KCNQ1: variants seen among roughly 807,000 people sequenced by gnomAD.
KCNQ1 encodes potassium voltage-gated channel subfamily KQT member 1.
A neutral mutation model predicts 72.4 loss-of-function variants in KCNQ1; 49 were observed. The observed-to-expected ratio is 0.68, with a 90% CI of 0.54 to 0.86. The LOEUF is 0.86. Among genes scored for constraint, KCNQ1 ranks in the 40% least tolerant of loss-of-function variants. KCNQ1 has a pLI of 0.00. For missense variants in KCNQ1, 790 were observed against 945.1 expected, an observed-to-expected ratio of 0.84 and a Z score of 2.15; for synonymous variants, 450 against 412.6, an observed-to-expected ratio of 1.09 and a Z score of -1.10.
chr11:2,597,664 T>C (rs914126610), intron 10 of KCNQ1, among the ~76,000 whole-genome samples: 2 of 152,242 alleles, frequency 1.3e-5, no homozygotes, highest in Non-Finnish European at 2.9e-5. Flanking sequence ...TTGAAGAACA[T>C]TGGGATTATC....
At chr11:2,840,826 C>T (rs958147043) in intron 15 of KCNQ1, among the ~76,000 whole-genome samples, 1 of 152,228 alleles carries the variant, frequency 6.6e-6, no homozygotes, top group Admixed American at 6.5e-5. Context: ...AGCACCCACC[C>T]TGGGAGGGAG....
chr11:2,463,343 A>C lies in KCNQ1; in HGVS notation c.386+17859A>C, dbSNP rs1734821129. 6.6e-6 allele frequency among the ~76,000 whole-genome samples: 1 copy of C among 151,694 alleles called. No individual in the cohort carries two copies. Among genetic ancestry groups the C allele is most frequent in the African/African-American group, 2.4e-5 (1 of 41,004 alleles). ...AGAGGCTGTTTTCTGCTGAGGATAC[A>C]TTTGCCCCCTCTATCCCCCAGATCG... On this transcript the variant is annotated intron_variant, in intron 1 of 15. Transcript: ENST00000155840. The surrounding 1 kb of genome is among the most constrained non-coding windows in gnomAD (Gnocchi z 7.0).
At chr11:2,761,462 G>A (rs984332099) in intron 11 of KCNQ1, among the ~76,000 whole-genome samples, 2 of 152,120 alleles carry the variant, frequency 1.3e-5, no homozygotes, top group South Asian at 2.1e-4. Context: ...GGGTGTTCTC[G>A]GGAAATGCAA....
rs751448695 is a variant in KCNQ1, at chr11:2,647,421, A to G, written c.1394-14540A>G. ...TGTGTTTTGTTTCTGAGGATTCTGC[A>G]TCTATGTTCATCAGGGAGATTGGCC... On this transcript the variant is annotated intron_variant, in intron 10 of 15. Coordinates refer to ENST00000155840, the MANE Select transcript of KCNQ1 (RefSeq NM_000218.3). The surrounding 1 kb of genome is among the most constrained non-coding windows in gnomAD (Gnocchi z 4.0). 2.0e-5 allele frequency: 8 copies of G among 398,418 alleles called. No individual in the cohort carries two copies. Among genetic ancestry groups the G allele is most frequent in the Admixed American group, 1.3e-4 (3 of 22,702 alleles). The allele number at this position is 398,418 out of a possible 1,614,324, so 24.7% of individuals were successfully genotyped here.
intron 2 of KCNQ1, among the ~76,000 whole-genome samples, chr11:2,539,450 C>G (rs1023239308): frequency 2.6e-5 from 4 of 152,230 alleles, no homozygotes; most frequent in African/African-American, 9.7e-5. Context: ...TTAGACAATA[C>G]CTGACATCTT....
chr11:2,470,089 T>C (rs974940963), intron 1 of KCNQ1, among the ~76,000 whole-genome samples: 24 of 152,166 alleles, frequency 1.6e-4, no homozygotes, highest in African/African-American at 5.3e-4. Context: ...GCCTCCTAAG[T>C]AGCTGGGACC....
At chr11:2,622,404 T>TTTTCATTC in intron 10 of KCNQ1, 3 of 398,374 alleles carry the variant, frequency 7.5e-6, no homozygotes, top group Non-Finnish European at 1.3e-5. Context: ...GAAATATCAT[T>TTTTCATTC]TTTCATTCTT....
In KCNQ1 at chr11:2,701,223, T is replaced by G. The variant is rs536538167; in HGVS notation, c.1514+39142T>G. On this transcript the variant is annotated intron_variant, in intron 11 of 15. Coordinates refer to ENST00000155840, the MANE Select transcript of KCNQ1 (RefSeq NM_000218.3). ...TCCAAGGGTGACCGGGTTGGGGGTT[T>G]TGTTGTTCTTCAGCCCAGAAGAGAA... is the stretch of plus-strand genomic sequence containing the variant. Among the ~76,000 whole-genome samples, 21 of 152,326 alleles carry G rather than the reference T, an allele frequency of 1.4e-4. No individual in the cohort carries two copies. The East Asian group carries it at 4.1e-3, about 29-fold the overall frequency.
intron 11 of KCNQ1, among the ~76,000 whole-genome samples, chr11:2,740,535 G>A (rs183743895): frequency 3.9e-5 from 6 of 152,312 alleles, no homozygotes; most frequent in Non-Finnish European, 5.9e-5. Flanking sequence ...TGAGCGGGTG[G>A]ACCCAGGCCT....
chr11:2,772,439 C>G lies in KCNQ1; in HGVS notation c.1590+3520C>G, dbSNP rs1445216612. ...GCATTATCTCGGCTCATCTCAGGCTCCTGAAGTCAGGATGATCTTTCCAGC... is the reference window on the plus strand; with the variant it reads ...GCATTATCTCGGCTCATCTCAGGCTGCTGAAGTCAGGATGATCTTTCCAGC... On this transcript the variant is annotated intron_variant, in intron 12 of 15. Transcript: ENST00000155840. This position sits in a 1 kb window ranked among gnomAD's most constrained non-coding sequence, Gnocchi z 6.6. Among the ~76,000 whole-genome samples the G allele has an allele frequency of 1.3e-5, 2 of 152,094 alleles. No homozygotes were observed. The highest frequency in any genetic ancestry group is 2.9e-5 in the Non-Finnish European group (2 of 68,022).
rs1410052421 is a variant in KCNQ1, at chr11:2,657,623, A to G, written c.1394-4338A>G. On this transcript the variant is annotated intron_variant, in intron 10 of 15. Transcript: ENST00000155840. The surrounding 1 kb of genome is among the most constrained non-coding windows in gnomAD (Gnocchi z 4.8). ...ACTAAAAAATTAACATTGGTACACTATTAAGCTAGAGTTATAAATTTATTT... is the reference window on the plus strand; with the variant it reads ...ACTAAAAAATTAACATTGGTACACTGTTAAGCTAGAGTTATAAATTTATTT... 1 of 398,506 alleles carries G rather than the reference A, an allele frequency of 2.5e-6. No individual in the cohort carries two copies. The highest frequency in any genetic ancestry group is 4.4e-6 in the Non-Finnish European group (1 of 226,070). The allele number at this position is 398,506 out of a possible 1,614,324, so 24.7% of individuals were successfully genotyped here.
intron 11 of KCNQ1, among the ~76,000 whole-genome samples, chr11:2,761,798 G>C (rs1157605945): frequency 3.9e-5 from 6 of 152,370 alleles, no homozygotes. Flanking sequence ...CTGGGGGCCT[G>C]GGCTGGCACC....
rs928362481 is a variant in KCNQ1, at chr11:2,846,826, C to T, written c.1795-941C>T. Among the ~76,000 whole-genome samples the T allele has an allele frequency of 3.3e-5, 5 of 152,368 alleles. No individual in the cohort carries two copies. The East Asian group carries it at 5.8e-4, about 18-fold the overall frequency. ...CTTCTCTGCTGCCTCCGCAGCACTGCGAGGCCTCTGATCACCTACTCTCTG... is the reference window on the plus strand; with the variant it reads ...CTTCTCTGCTGCCTCCGCAGCACTGTGAGGCCTCTGATCACCTACTCTCTG... On this transcript the variant is annotated intron_variant, in intron 15 of 15. Transcript: ENST00000155840.
At chr11:2,560,936 C>G (rs1363415927) in intron 2 of KCNQ1, among the ~76,000 whole-genome samples, 1 of 152,092 alleles carries the variant, frequency 6.6e-6, no homozygotes, top group African/African-American at 2.4e-5. Flanking sequence ...GATAGGAACT[C>G]CCAGGCCTGT....
intron 1 of KCNQ1, among the ~76,000 whole-genome samples, chr11:2,501,360 C>A: frequency 6.6e-6 from 1 of 151,444 alleles, no homozygotes. Flanking sequence ...CAACTGATAC[C>A]ACAGAAATTC....
chr11:2,760,168 CT>C (rs1228957085), intron 11 of KCNQ1, among the ~76,000 whole-genome samples: 1 of 152,190 alleles, frequency 6.6e-6, no homozygotes, highest in Non-Finnish European at 1.5e-5. Context: ...GGGCTCCTGG[CT>C]TTGAATTTGA....
At position 2,809,791 on chromosome 11, in the gene KCNQ1, C is replaced by T. The variant is rs1036937225; in HGVS notation, c.1794+31754C>T. 1.3e-5 allele frequency among the ~76,000 whole-genome samples: 2 copies of T among 152,132 alleles called. No homozygotes were observed. The highest frequency in any genetic ancestry group is 4.8e-5 in the African/African-American group (2 of 41,412). On this transcript the variant is annotated intron_variant, in intron 15 of 15. Coordinates refer to ENST00000155840, the MANE Select transcript of KCNQ1 (RefSeq NM_000218.3). This position sits in a 1 kb window ranked among gnomAD's most constrained non-coding sequence, Gnocchi z 7.1. Reference sequence around the variant, plus strand: ...TAGCCATGTTTCCCTGAGCTCTTCCCTCTCTGTCTCTAATTGATGTGTTTT... The same window carrying T: ...TAGCCATGTTTCCCTGAGCTCTTCCTTCTCTGTCTCTAATTGATGTGTTTT...
intron 1 of KCNQ1, among the ~76,000 whole-genome samples, chr11:2,523,883 G>A (rs1847444974): frequency 1.3e-5 from 2 of 152,032 alleles, no homozygotes; most frequent in African/African-American, 4.8e-5. Flanking sequence ...TGAGAGTGGG[G>A]GGAGTGCAGC....
At chr11:2,731,480 A>G (rs372744995) in intron 11 of KCNQ1, among the ~76,000 whole-genome samples, 17 of 152,336 alleles carry the variant, frequency 1.1e-4, no homozygotes, top group African/African-American at 3.4e-4. Flanking sequence ...CACCGGACAC[A>G]GGGAAGGCGG....
Sources: gnomAD v4.1 joint callset for allele counts (sites outside exome capture counted in the v4.1 genomes callset) on GRCh38, gnomAD v4.1.1 for gene constraint, Gnocchi (gnomAD v3.1) non-coding constraint, MANE v1.5 for transcripts, NCBI Gene and HGNC (gene_info 2026-07-23, HGNC 2026-07-21) for gene names.